NAALADL2: variants seen among roughly 807,000 people sequenced by gnomAD.
NAALADL2 encodes inactive N-acetylated-alpha-linked acidic dipeptidase-like protein 2.
A neutral mutation model predicts 87.2 loss-of-function variants in NAALADL2; 76 were observed. The observed-to-expected ratio is 0.87, with a 90% CI of 0.72 to 1.05. The LOEUF is 1.05. NAALADL2 is among the 50% of genes least tolerant of loss of function. The pLI is 0.00. For missense variants in NAALADL2, 1,089 were observed against 945.8 expected, an observed-to-expected ratio of 1.15 and a Z score of -1.99; for synonymous variants, 354 against 331.0, an observed-to-expected ratio of 1.07 and a Z score of -0.75.
chr3:175,134,838 C>T (rs1385334230), intron 2 of NAALADL2, among the ~76,000 whole-genome samples: 2 of 152,288 alleles, frequency 1.3e-5, no homozygotes, highest in Non-Finnish European at 2.9e-5. Context: ...TCCAAGATAA[C>T]TGATTTTTTA....
chr3:175,599,500 T>G (rs1448949805), intron 10 of NAALADL2, among the ~76,000 whole-genome samples: 2 of 152,172 alleles, frequency 1.3e-5, no homozygotes, highest in Non-Finnish European at 2.9e-5. Flanking sequence ...GAGTGAGTTC[T>G]CAGCTTCTGC....
At chr3:174,666,209 A>G (rs948524180) in intron 2 of NAALADL2, among the ~76,000 whole-genome samples, 6 of 152,196 alleles carry the variant, frequency 3.9e-5, no homozygotes, top group African/African-American at 1.4e-4. Flanking sequence ...AGATATTTCT[A>G]TTAAGTCAAA....
At chr3:174,800,328 C>T (rs1218869425) in intron 3 of NAALADL2, among the ~76,000 whole-genome samples, 4 of 152,210 alleles carry the variant, frequency 2.6e-5, no homozygotes, top group Non-Finnish European at 4.4e-5. Flanking sequence ...ACTTGGTACC[C>T]GGCCAGCCAC....
intron 2 of NAALADL2, among the ~76,000 whole-genome samples, chr3:175,206,797 C>A (rs1196385837): frequency 1.3e-5 from 2 of 152,142 alleles, no homozygotes; most frequent in African/African-American, 4.8e-5. Flanking sequence ...GCCACTGACA[C>A]TTTTTCTGGC....
intron 11 of NAALADL2, among the ~76,000 whole-genome samples, chr3:175,639,315 A>ATTATTTTTTT (rs1728965438): frequency 2.1e-5 from 2 of 96,208 alleles, no homozygotes; most frequent in African/African-American, 1.0e-4. Context: ...CAAAAGCGTT[A>ATTATTTTTTT]TTCTTTTTTT....
chr3:174,552,797 A>C (rs1424489594), intron 2 of NAALADL2, among the ~76,000 whole-genome samples: 3 of 69,584 alleles, frequency 4.3e-5, no homozygotes, highest in South Asian at 3.3e-4. Flanking sequence ...CCCTGCCTCA[A>C]AAAAAAAAAA....
chr3:174,790,117 A>C (rs2109196809), intron 3 of NAALADL2, among the ~76,000 whole-genome samples: 1 of 152,316 alleles, frequency 6.6e-6, no homozygotes, highest in South Asian at 2.1e-4. Flanking sequence ...GCAGTGAATC[A>C]ACGATGAAGT....
In NAALADL2 at chr3:174,441,725, C is replaced by CTTT. The variant is rs111370736; in HGVS notation, c.-184+705_-184+707dup. ...TCCCTATTTTCCCCCACATTCTTTG[C>CTTT]TTTTTTTTTTTTTTCATTTTTCCTT... On this transcript the variant is annotated intron_variant, in intron 1 of 3. Coordinates refer to the NAALADL2 transcript ENST00000434257. Among the ~76,000 whole-genome samples the CTTT allele has an allele frequency of 2.9e-3, 395 of 138,204 alleles. 3 individuals carry two copies. The highest frequency in any genetic ancestry group is 9.8e-3 in the African/African-American group (363 of 37,016). The allele number at this position is 138,204 out of a possible 152,430, so 90.7% of individuals were successfully genotyped here. A position where few individuals can be genotyped will look rare whatever the true frequency, so the allele number is the denominator to read the frequency against.
intron 1 of NAALADL2, among the ~76,000 whole-genome samples, chr3:174,865,700 A>G (rs1421971162): frequency 2.0e-5 from 3 of 151,918 alleles, no homozygotes; most frequent in African/African-American, 7.2e-5. Context: ...TAAATAAGAA[A>G]TTATAGAGGA....
intron 2 of NAALADL2, among the ~76,000 whole-genome samples, chr3:174,595,823 C>A (rs934096131): frequency 6.6e-6 from 1 of 152,078 alleles, no homozygotes; most frequent in Non-Finnish European, 1.5e-5. Flanking sequence ...CCAGCCTGAC[C>A]AACATGCAGA....
At chr3:175,619,608 G>T (rs765863104) in intron 10 of NAALADL2, among the ~76,000 whole-genome samples, 1 of 151,902 alleles carries the variant, frequency 6.6e-6, no homozygotes, top group Admixed American at 6.6e-5. Context: ...TCTAAGAATA[G>T]ACAGAAACCA....
At chr3:175,421,441 A>G (rs1295500012) in intron 5 of NAALADL2, among the ~76,000 whole-genome samples, 3 of 152,070 alleles carry the variant, frequency 2.0e-5, no homozygotes, top group African/African-American at 7.2e-5. Context: ...GATGCACACT[A>G]AAGTTCAAGA....
intron 10 of NAALADL2, among the ~76,000 whole-genome samples, chr3:175,604,374 G>T (rs1047540894): frequency 2.9e-5 from 4 of 137,852 alleles, no homozygotes; most frequent in African/African-American, 8.3e-5. Flanking sequence ...TGCCATCTCC[G>T]CTCACTGCAA....
intron 9 of NAALADL2, among the ~76,000 whole-genome samples, chr3:175,548,996 G>A (rs933036386): frequency 1.4e-4 from 22 of 151,892 alleles, no homozygotes; most frequent in Non-Finnish European, 2.5e-4. Context: ...GTTCCTCAAG[G>A]TTTCTAGATA....
chr3:175,148,973 T>A, intron 2 of NAALADL2, among the ~76,000 whole-genome samples: 1 of 152,202 alleles, frequency 6.6e-6, no homozygotes, highest in Non-Finnish European at 1.5e-5. Flanking sequence ...AATGTTTTTC[T>A]AATTCTGTGA....
intron 2 of NAALADL2, among the ~76,000 whole-genome samples, chr3:175,210,730 T>C (rs1309115978): frequency 2.6e-5 from 4 of 151,662 alleles, no homozygotes; most frequent in African/African-American, 9.7e-5. Context: ...TGTACAACTC[T>C]ACAAAATTGA....
intron 3 of NAALADL2, among the ~76,000 whole-genome samples, chr3:174,854,236 G>C (rs59374224): frequency 0.019 from 2,901 of 152,230 alleles, 101 homozygotes; most frequent in African/African-American, 0.066. Context: ...GCAGTACATG[G>C]ATGGAACTGG....
chr3:174,495,686 A>ATCGTTTAGAAAATCAAGGATTAGGGAT (rs150444822), intron 1 of NAALADL2, among the ~76,000 whole-genome samples: 2 of 151,168 alleles, frequency 1.3e-5, no homozygotes, highest in Admixed American at 1.3e-4. Context: ...GGGATACTGA[A>ATCGTTTAGAAAATCAAGGATTAGGGAT]TCCAGCTGTA....
chr3:174,720,136 T>C (rs1025113530), intron 2 of NAALADL2, among the ~76,000 whole-genome samples: 3 of 152,116 alleles, frequency 2.0e-5, no homozygotes, highest in African/African-American at 7.2e-5. Context: ...AAGAAATAAT[T>C]TGCTTTATGA....
Sources: allele counts gnomAD v4.1 joint callset (sites outside exome capture counted in the v4.1 genomes callset), GRCh38; gene constraint gnomAD v4.1.1; transcripts MANE v1.5; gene names NCBI Gene and HGNC (gene_info 2026-07-23, HGNC 2026-07-21).